Variants in ELP4 observed in about 807,000 individuals in gnomAD.
ELP4 encodes elongator acetyltransferase complex subunit 4.
ELP4 carries 51 observed loss-of-function variants against 48.9 expected under a neutral mutation model. The ratio of observed to expected loss-of-function variants is 1.04; its 90% CI spans 0.83 to 1.32. The LOEUF (loss-of-function observed/expected upper bound fraction) is 1.32. ELP4 is among the 40% of genes most tolerant of loss of function. The probability of loss-of-function intolerance (pLI) is 0.00; values close to 1 mark genes in which losing one functional copy is unlikely to be tolerated. For synonymous variants in ELP4, 210 were observed against 189.2 expected, an observed-to-expected ratio of 1.11 and a Z score of -0.90; for missense variants, 519 against 514.6, an observed-to-expected ratio of 1.01 and a Z score of -0.08.
chr11:31,537,765 C>T (rs969709453), intron 2 of ELP4, among the ~76,000 whole-genome samples: 1 of 152,148 alleles, frequency 6.6e-6, no homozygotes, highest in African/African-American at 2.4e-5. Context: ...ATGAACCAAT[C>T]ACCTCCCACC....
At chr11:31,652,832 G>A (rs766279326) in intron 9 of ELP4, 1 of 151,650 alleles carries the variant, frequency 6.6e-6, no homozygotes, top group Non-Finnish European at 1.5e-5. Flanking sequence ...GGAATTTACT[G>A]TCAGTCACAT....
rs11441798 is a variant in ELP4, at chr11:31,630,227, C to CTTTT, written c.739-1975_739-1972dup. Among the ~76,000 whole-genome samples, 24 of 128,440 alleles carry CTTTT rather than the reference C, an allele frequency of 1.9e-4. 1 individual carries two copies. The highest frequency in any genetic ancestry group is 1.6e-3 in the East Asian group (7 of 4,374). 84.3% of individuals were successfully genotyped at this position (128,440 alleles called of 152,430 possible). On this transcript the variant is annotated intron_variant, in intron 6 of 9. Coordinates refer to ENST00000640961, the MANE Select transcript of ELP4 (RefSeq NM_019040.5). Reference sequence around the variant, plus strand: ...TTTCTAATGTGCTTATTCTAAAATCCTTTTTTTTTTTTTTTTTTATAATTT... The same window carrying CTTTT: ...TTTCTAATGTGCTTATTCTAAAATCCTTTTTTTTTTTTTTTTTTTTTTATAATTT...
chr11:31,632,307 A>G lies in ELP4; in HGVS notation c.829A>G (p.Asn277Asp). The change falls in exon 7 of 10, where the codon AAC becomes GAC. Residue 277 changes from asparagine to aspartate, a missense_variant. Coordinates refer to ENST00000640961, the MANE Select transcript of ELP4 (RefSeq NM_019040.5). ...TATTTGCTGTGCAGAAAATGGTGGC[A>G]ACAGTCACAGCCTTACCAAGTTCCT... is the stretch of plus-strand genomic sequence containing the variant. ...DDICCAENGG[N>D]SHSLTKFLYV... The G allele has an allele frequency of 6.2e-7, 1 of 1,613,502 alleles. No homozygotes were observed. Among genetic ancestry groups the G allele is most frequent in the Non-Finnish European group, 8.5e-7 (1 of 1,179,664 alleles).
At chr11:31,567,088 C>T (rs190514965) in intron 3 of ELP4, among the ~76,000 whole-genome samples, 3 of 151,992 alleles carry the variant, frequency 2.0e-5, no homozygotes, top group African/African-American at 4.8e-5. Context: ...GCGCCACCAC[C>T]GCACCTGGCT....
intron 3 of ELP4, among the ~76,000 whole-genome samples, chr11:31,569,515 C>T (rs1220897610): frequency 3.9e-5 from 6 of 152,140 alleles, no homozygotes; most frequent in Admixed American, 2.0e-4. Flanking sequence ...CTTTGGGAGG[C>T]CGAGGTGAGT....
In ELP4 at chr11:31,786,140, G is replaced by T; in HGVS notation, c.*2616G>T. 1 of 200,092 alleles carries T rather than the reference G, an allele frequency of 5.0e-6. No homozygotes were observed. The highest frequency in any genetic ancestry group is 7.8e-5 in the East Asian group (1 of 12,894). The allele number at this position is 200,092 out of a possible 1,614,324, so 12.4% of individuals were successfully genotyped here. A position where few individuals can be genotyped will look rare whatever the true frequency, so the allele number is the denominator to read the frequency against. On this transcript the variant is annotated 3_prime_UTR_variant, in exon 10 of 10. Coordinates refer to ENST00000640961, the MANE Select transcript of ELP4 (RefSeq NM_019040.5). ...ATTTATTCCTTATGTCCACCTCCAG[G>T]ATCTTTAAATACTAACAGTAGACAA...
At chr11:31,730,834 G>A (rs1281163987) in intron 9 of ELP4, among the ~76,000 whole-genome samples, 1 of 152,142 alleles carries the variant, frequency 6.6e-6, no homozygotes, top group Non-Finnish European at 1.5e-5. Context: ...CCTGACATAG[G>A]ACACTGACAG....
intron 9 of ELP4, among the ~76,000 whole-genome samples, chr11:31,683,154 G>A (rs1361812632): frequency 1.3e-5 from 2 of 151,916 alleles, no homozygotes. Flanking sequence ...ATTAACATTA[G>A]CCTGTAATGT....
intron 3 of ELP4, among the ~76,000 whole-genome samples, chr11:31,586,841 C>T (rs2133979396): frequency 6.6e-6 from 1 of 152,168 alleles, no homozygotes; most frequent in Admixed American, 6.6e-5. Flanking sequence ...GGGGTTTCTC[C>T]ATGTTGGTCA....
At chr11:31,648,701 G>C (rs879769109) in intron 8 of ELP4, 2 of 151,378 alleles carry the variant, frequency 1.3e-5, no homozygotes, top group Admixed American at 6.6e-5. Context: ...TATAAGACAA[G>C]TATTATGAGC....
intron 9 of ELP4, chr11:31,652,263 CTTA>C (rs1433303554): frequency 6.6e-6 from 1 of 151,400 alleles, no homozygotes; most frequent in Non-Finnish European, 1.5e-5. Flanking sequence ...TTCTAAATAA[CTTA>C]TTTACTTAAG....
intron 3 of ELP4, among the ~76,000 whole-genome samples, chr11:31,546,460 T>G (rs923409489): frequency 3.9e-5 from 6 of 152,054 alleles, no homozygotes; most frequent in African/African-American, 1.4e-4. Context: ...ATGCACCCAA[T>G]ACAGGAGCAC....
chr11:31,626,332 A>G (rs1319253783), intron 5 of ELP4, among the ~76,000 whole-genome samples: 1 of 151,820 alleles, frequency 6.6e-6, no homozygotes, highest in African/African-American at 2.4e-5. Flanking sequence ...TTCAATGTCT[A>G]TGGGATTGCT....
In ELP4 at chr11:31,652,165, A is replaced by G. The variant is rs1338847141; in HGVS notation, c.1143+1944A>G. 9 of 151,754 alleles carry G rather than the reference A, an allele frequency of 5.9e-5. No individual in the cohort carries two copies. In the South Asian group the frequency reaches 1.4e-3, roughly 24 times the overall value. The allele number at this position is 151,754 out of a possible 1,614,324, so 9.4% of individuals were successfully genotyped here. On this transcript the variant is annotated intron_variant, in intron 9 of 9. Coordinates refer to ENST00000640961, the MANE Select transcript of ELP4 (RefSeq NM_019040.5). ...ATAGACTGTTGTTTCTTAAAATTCT[A>G]TATACTCAAACTCTGCACCTTTTTG...
chr11:31,552,832 G>T (rs1956874324), intron 3 of ELP4, among the ~76,000 whole-genome samples: 1 of 152,024 alleles, frequency 6.6e-6, no homozygotes, highest in Non-Finnish European at 1.5e-5. Context: ...CTAATATTCT[G>T]TTACCTCCCC....
At chr11:31,528,836 G>T (rs1339950085) in intron 2 of ELP4, among the ~76,000 whole-genome samples, 1 of 152,112 alleles carries the variant, frequency 6.6e-6, no homozygotes, top group Non-Finnish European at 1.5e-5. Flanking sequence ...CTAATAGAAA[G>T]TTGGATTTTC....
chr11:31,654,444 C>T (rs925755717), intron 9 of ELP4: 1 of 151,712 alleles, frequency 6.6e-6, no homozygotes, highest in African/African-American at 2.4e-5. Context: ...TCACCAAGAA[C>T]TTTTTCTCAC....
Position 31,585,473 on chromosome 11 carries a change from C to T in ELP4, c.382-9297C>T, listed in dbSNP as rs150229939. ...AAGATTGCACTTAATTTTGCCTAAC[C>T]TCTTATAACCTGAAGTTACAGAATA... is the stretch of plus-strand genomic sequence containing the variant. On this transcript the variant is annotated intron_variant, in intron 3 of 9. Coordinates refer to ENST00000640961, the MANE Select transcript of ELP4 (RefSeq NM_019040.5). Among the ~76,000 whole-genome samples the T allele has an allele frequency of 9.0e-4, 137 of 151,680 alleles. 1 individual carries two copies. The highest frequency in any genetic ancestry group is 1.8e-3 in the Non-Finnish European group (119 of 67,936).
At chr11:31,682,861 A>G (rs1362135117) in intron 9 of ELP4, among the ~76,000 whole-genome samples, 1 of 152,152 alleles carries the variant, frequency 6.6e-6, no homozygotes, top group Non-Finnish European at 1.5e-5. Flanking sequence ...TTGGACTATC[A>G]AATATTTATG....
Sources: gnomAD v4.1 joint callset for allele counts (sites outside exome capture counted in the v4.1 genomes callset) on GRCh38, gnomAD v4.1.1 for gene constraint, MANE v1.5 for transcripts, NCBI Gene and HGNC (gene_info 2026-07-23, HGNC 2026-07-21) for gene names.